The following AGBL4 variants were observed in gnomAD, a reference collection of about 807,000 sequenced individuals.
AGBL4 encodes cytosolic carboxypeptidase 6.
In AGBL4, 58 loss-of-function variants were observed where a neutral mutation model predicts 66.4. That is an observed-to-expected ratio of 0.87 (90% CI 0.71 to 1.09). The LOEUF (loss-of-function observed/expected upper bound fraction) is 1.09, where lower values mean the gene tolerates loss of function less well. Among genes scored for constraint, AGBL4 ranks in the 50% least tolerant of loss-of-function variants. The pLI, the probability that AGBL4 is intolerant of heterozygous loss-of-function variation, is 0.00. For synonymous variants in AGBL4, 234 were observed against 222.9 expected (o/e 1.05, Z -0.44); for missense variants, 579 against 631.0 (o/e 0.92, Z 0.88).
At chr1:49,070,292 G>A (rs960346751) in intron 4 of AGBL4, among the ~76,000 whole-genome samples, 3 of 151,912 alleles carry the variant, frequency 2.0e-5, no homozygotes, top group Non-Finnish European at 2.9e-5. Context: ...GTGAGAGAAG[G>A]TATCATTGTC....
chr1:49,589,083 G>C (rs1191705006), intron 3 of AGBL4, among the ~76,000 whole-genome samples: 1 of 152,146 alleles, frequency 6.6e-6, no homozygotes, highest in Non-Finnish European at 1.5e-5. Flanking sequence ...TGAAGGTAGG[G>C]AGGACATTTT....
chr1:48,561,201 CT>C (rs945562732), intron 11 of AGBL4, among the ~76,000 whole-genome samples: 2 of 152,178 alleles, frequency 1.3e-5, no homozygotes, highest in African/African-American at 4.8e-5. Flanking sequence ...AATATTATAG[CT>C]TTTTTTAAAG....
intron 6 of AGBL4, chr1:48,759,372 A>G: frequency 6.8e-7 from 1 of 1,473,326 alleles, no homozygotes; most frequent in Non-Finnish European, 9.0e-7. Flanking sequence ...CAATCCTAAA[A>G]TCACAGAATC....
chr1:49,810,965 T>A (rs548010385), intron 2 of AGBL4, among the ~76,000 whole-genome samples: 4 of 152,268 alleles, frequency 2.6e-5, no homozygotes, highest in African/African-American at 9.6e-5. Context: ...GGTGGCACAG[T>A]ATCAAATATA....
At chr1:49,389,580 T>C (rs1045428390) in intron 3 of AGBL4, among the ~76,000 whole-genome samples, 2 of 152,106 alleles carry the variant, frequency 1.3e-5, no homozygotes, top group Non-Finnish European at 2.9e-5. Flanking sequence ...ATGCCTGAAC[T>C]AAGCTGGTTT....
intron 6 of AGBL4, among the ~76,000 whole-genome samples, chr1:48,713,771 C>G (rs1016807031): frequency 6.6e-6 from 1 of 152,182 alleles, no homozygotes; most frequent in Non-Finnish European, 1.5e-5. Flanking sequence ...GTCTTAGCAT[C>G]AGGGCCTGCC....
chr1:49,088,906 C>T (rs1000924345), intron 4 of AGBL4, among the ~76,000 whole-genome samples: 14 of 151,992 alleles, frequency 9.2e-5, no homozygotes, highest in African/African-American at 3.1e-4. Flanking sequence ...AACACAGTCT[C>T]GAATATCAGC....
chr1:49,846,178 A>G, intron 2 of AGBL4: 1 of 1,458,326 alleles, frequency 6.9e-7, no homozygotes, highest in Admixed American at 1.7e-5. Context: ...AGTGTGGGAA[A>G]TCCTTCAACC....
intron 9 of AGBL4, among the ~76,000 whole-genome samples, chr1:48,625,994 A>C (rs1367726975): frequency 6.6e-6 from 1 of 152,206 alleles, no homozygotes; most frequent in Non-Finnish European, 1.5e-5. Context: ...AAAACTGTAA[A>C]AATTTCATGA....
intron 3 of AGBL4, among the ~76,000 whole-genome samples, chr1:49,546,328 T>C (rs1434033438): frequency 6.6e-6 from 1 of 150,688 alleles, no homozygotes; most frequent in Non-Finnish European, 1.5e-5. Context: ...TTCCATCATA[T>C]ATATTTACAT....
chr1:49,454,504 ATTCTT>A (rs1015978123), intron 3 of AGBL4, among the ~76,000 whole-genome samples: 20 of 151,888 alleles, frequency 1.3e-4, no homozygotes, highest in African/African-American at 4.6e-4. Context: ...GCTTTCCTGT[ATTCTT>A]TTCAACTTTG....
At chr1:49,890,243 T>C (rs1172867652) in intron 1 of AGBL4, among the ~76,000 whole-genome samples, 1 of 152,226 alleles carries the variant, frequency 6.6e-6, no homozygotes, top group Non-Finnish European at 1.5e-5. Context: ...GTGAAAAGGC[T>C]GTAATTAAAA....
At chr1:49,287,635 A>G (rs1398909524) in intron 3 of AGBL4, among the ~76,000 whole-genome samples, 1 of 152,220 alleles carries the variant, frequency 6.6e-6, no homozygotes, top group Non-Finnish European at 1.5e-5. Context: ...ACTGGCCATC[A>G]GAGAAATGCA....
At chr1:49,769,660 G>A (rs1643998540) in intron 2 of AGBL4, among the ~76,000 whole-genome samples, 2 of 152,002 alleles carry the variant, frequency 1.3e-5, no homozygotes, top group Admixed American at 1.3e-4. Flanking sequence ...AAATAAAGCT[G>A]CACACCTACA....
At chr1:48,763,079 A>C (rs953262115) in intron 6 of AGBL4, among the ~76,000 whole-genome samples, 1 of 145,152 alleles carries the variant, frequency 6.9e-6, no homozygotes, top group African/African-American at 2.6e-5. Context: ...CTTAAGCATA[A>C]AGTGAATAGA....
chr1:49,829,515 G>A (rs896426202), intron 2 of AGBL4, among the ~76,000 whole-genome samples: 9 of 152,092 alleles, frequency 5.9e-5, no homozygotes, highest in African/African-American at 2.2e-4. Flanking sequence ...TTGCTGGAGT[G>A]GCCAGGATAC....
chr1:49,228,548 A>AT (rs1469613127), intron 4 of AGBL4, among the ~76,000 whole-genome samples: 3 of 152,188 alleles, frequency 2.0e-5, no homozygotes, highest in Non-Finnish European at 4.4e-5. Flanking sequence ...TTCCAGGCAA[A>AT]GGGAATAGCC....
intron 11 of AGBL4, among the ~76,000 whole-genome samples, chr1:48,574,520 T>C (rs1349915368): frequency 6.7e-6 from 1 of 149,174 alleles, no homozygotes; most frequent in East Asian, 2.0e-4. Context: ...AATATGTATA[T>C]TTTTTTCTTT....
chr1:48,624,889 GGTGTGT>G (rs56678913), intron 9 of AGBL4, among the ~76,000 whole-genome samples: 14,470 of 147,792 alleles, frequency 0.098, 1,762 homozygotes, highest in African/African-American at 0.29. Context: ...GTTAATTCCA[GGTGTGT>G]GTGTGTGTGT....
Sources: allele counts gnomAD v4.1 joint callset (sites outside exome capture counted in the v4.1 genomes callset), GRCh38; gene constraint gnomAD v4.1.1; transcripts MANE v1.5; gene names NCBI Gene and HGNC (gene_info 2026-07-23, HGNC 2026-07-21).